OXR1: variants seen among roughly 807,000 people sequenced by gnomAD.
OXR1 encodes the protein oxidation resistance 1.
In OXR1, 41 loss-of-function variants were observed where a neutral mutation model predicts 104.6. The observed-to-expected ratio is 0.39, with a 90% CI of 0.31 to 0.51. The LOEUF (loss-of-function observed/expected upper bound fraction) is 0.51, where lower values mean the gene tolerates loss of function less well. Among genes scored for constraint, OXR1 ranks in the 20% least tolerant of loss-of-function variants. The pLI is 0.77. For synonymous variants in OXR1, 348 were observed against 348.4 expected, an observed-to-expected ratio of 1.00 and a Z score of 0.01; for missense variants, 955 against 1,031.9, an observed-to-expected ratio of 0.93 and a Z score of 1.02.
At chr8:106,560,707 A>C (rs983846513) in intron 3 of OXR1, among the ~76,000 whole-genome samples, 3 of 152,168 alleles carry the variant, frequency 2.0e-5, no homozygotes, top group Admixed American at 2.0e-4. Flanking sequence ...TGCTACAACA[A>C]GCTTGACTTT....
At chr8:106,529,996 C>G (rs1344490496) in intron 3 of OXR1, among the ~76,000 whole-genome samples, 1 of 152,054 alleles carries the variant, frequency 6.6e-6, no homozygotes, top group Non-Finnish European at 1.5e-5. Flanking sequence ...ACAAAACTTG[C>G]CCTTTTAACC....
intron 11 of OXR1, among the ~76,000 whole-genome samples, chr8:106,717,679 C>G (rs931224923): frequency 6.6e-6 from 1 of 152,112 alleles, no homozygotes; most frequent in Non-Finnish European, 1.5e-5. Flanking sequence ...ATCTTCAGAA[C>G]TAAGAATTGT....
chr8:106,650,572 T>C (rs1824482588), intron 3 of OXR1, among the ~76,000 whole-genome samples: 1 of 152,214 alleles, frequency 6.6e-6, no homozygotes, highest in Admixed American at 6.5e-5. Flanking sequence ...AATGGGCTTA[T>C]GGGAAACAGG....
intron 3 of OXR1, among the ~76,000 whole-genome samples, chr8:106,578,401 T>C (rs947445302): frequency 2.0e-5 from 3 of 152,214 alleles, no homozygotes; most frequent in African/African-American, 7.2e-5. Flanking sequence ...TACTGGGATT[T>C]GACAAGATAA....
rs143516544 is a variant in OXR1 at position 106,715,168 on chromosome 8, T to C, written c.1956+1183T>C. Among the ~76,000 whole-genome samples, 438 of 152,102 alleles carry C rather than the reference T, an allele frequency of 2.9e-3. 2 individuals are homozygous for C. The highest frequency in any genetic ancestry group is 0.01 in the African/African-American group (419 of 41,520). ...TGGTACAGGCAATGACATGGATGAA[T>C]TTTACAAATAATATGTTGAGTAAAA... On this transcript the variant is annotated intron_variant, in intron 11 of 16. Transcript: ENST00000517566.
chr8:106,276,839 G>A (rs772911939), intron 1 of OXR1, among the ~76,000 whole-genome samples: 34 of 150,162 alleles, frequency 2.3e-4, no homozygotes, highest in Non-Finnish European at 3.5e-4. Context: ...AAGATTAAAC[G>A]CCTTTTTATT....
chr8:106,653,071 G>GAA (rs536723741), intron 3 of OXR1, among the ~76,000 whole-genome samples: 6,457 of 129,758 alleles, frequency 0.05, 226 homozygotes, highest in Non-Finnish European at 0.075. Context: ...AGGAGAAATA[G>GAA]AAAAAAAAAA....
At chr8:106,743,638 A>T (rs1450401735) in intron 15 of OXR1, among the ~76,000 whole-genome samples, 2 of 152,174 alleles carry the variant, frequency 1.3e-5, no homozygotes, top group African/African-American at 4.8e-5. Context: ...GAATGTTTTT[A>T]CCCTGTTGGT....
chr8:106,695,862 G>T (rs1019997288), intron 7 of OXR1, among the ~76,000 whole-genome samples: 1 of 151,770 alleles, frequency 6.6e-6, no homozygotes, highest in East Asian at 1.9e-4. Context: ...TTAAATGGAC[G>T]GAAGAATTGA....
intron 2 of OXR1, among the ~76,000 whole-genome samples, chr8:106,490,922 G>A (rs1386144216): frequency 1.3e-5 from 2 of 152,084 alleles, no homozygotes; most frequent in Non-Finnish European, 2.9e-5. Flanking sequence ...CCAATCTGAG[G>A]GATATATACA....
chr8:106,673,706 T>TG (rs1827276149), intron 3 of OXR1, among the ~76,000 whole-genome samples: 1 of 152,186 alleles, frequency 6.6e-6, no homozygotes, highest in Non-Finnish European at 1.5e-5. Flanking sequence ...AATGGTTTCA[T>TG]GGGCCAGACC....
rs1587079713 is a variant in OXR1, at chr8:106,684,292, C to T, written c.458C>T (p.Ser153Phe). The T allele has an allele frequency of 6.2e-7, 1 of 1,610,508 alleles. No individual in the cohort carries two copies. Among genetic ancestry groups the T allele is most frequent in the Non-Finnish European group, 8.5e-7 (1 of 1,176,874 alleles). The change falls in exon 6 of 17, where the codon TCT (serine) becomes TTT (phenylalanine). Residue 153 changes from serine (S) to phenylalanine (F), a missense_variant. By Grantham distance (155) the Ser-to-Phe change is radical. This residue lies in a region of OXR1 where 849 missense variants were observed against 852.9 expected (regional missense o/e 1.00). Transcript: ENST00000517566. ...GAATATGTCTCCAGTGTTGAGAGCT[C>T]TCCATCTCTAAGCCCCGTAAGTCCT... ...DPEYVSSVES[S>F]PSLSPVSPLS... is the part of the protein sequence containing the mutation.
chr8:106,605,679 A>AT (rs1820324413), intron 3 of OXR1, among the ~76,000 whole-genome samples: 2 of 151,162 alleles, frequency 1.3e-5, no homozygotes, highest in African/African-American at 4.9e-5. Flanking sequence ...GGCGCCTGTA[A>AT]TCCCAGCTAC....
At chr8:106,740,129 ATTCT>A (rs1305370444) in intron 13 of OXR1, 2 of 449,356 alleles carry the variant, frequency 4.5e-6, no homozygotes, top group Admixed American at 8.0e-5. Context: ...GTTCAGGGTG[ATTCT>A]TTATTTTCCT....
In OXR1 at chr8:106,422,983, C is replaced by T. The variant is rs568373398; in HGVS notation, c.23+63347C>T. On this transcript the variant is annotated intron_variant, in intron 2 of 16. Transcript: ENST00000517566. ...GAGAGACAATCCCCTGGCTGGCCAG[C>T]GTAAATATCCAGCATTCTCAAACAT... 5.3e-5 allele frequency among the ~76,000 whole-genome samples: 8 copies of T among 152,172 alleles called. No individual in the cohort carries two copies. In the South Asian group the frequency reaches 8.3e-4, roughly 16 times the overall value.
chr8:106,487,442 C>T (rs1483407164), intron 2 of OXR1, among the ~76,000 whole-genome samples: 5 of 139,874 alleles, frequency 3.6e-5, no homozygotes, highest in Non-Finnish European at 6.1e-5. Context: ...TTTTATTATA[C>T]TTTAAATTTT....
intron 2 of OXR1, among the ~76,000 whole-genome samples, chr8:106,431,320 G>C (rs1282750605): frequency 6.6e-6 from 1 of 152,104 alleles, no homozygotes; most frequent in Non-Finnish European, 1.5e-5. Context: ...ATAAACTGTT[G>C]TTTTAAACTG....
intron 3 of OXR1, among the ~76,000 whole-genome samples, chr8:106,647,193 C>A (rs1824158045): frequency 6.6e-6 from 1 of 152,220 alleles, no homozygotes; most frequent in African/African-American, 2.4e-5. Flanking sequence ...ACCTTTTGGA[C>A]AATTTTCAGA....
intron 2 of OXR1, chr8:106,447,808 T>C (rs1326486705): frequency 9.0e-7 from 1 of 1,115,540 alleles, no homozygotes; most frequent in Non-Finnish European, 1.2e-6. Context: ...GGCATATTCT[T>C]TGGGTGATAA....
Sources: gnomAD v4.1 joint callset for allele counts (sites outside exome capture counted in the v4.1 genomes callset) on GRCh38, gnomAD v4.1.1 for gene constraint, gnomAD v4.1.1 regional missense constraint, MANE v1.5 for transcripts, NCBI Gene and HGNC (gene_info 2026-07-23, HGNC 2026-07-21) for gene names.